Variants in DPP10 observed in about 807,000 individuals in gnomAD.
DPP10 encodes inactive dipeptidyl peptidase 10.
Under a neutral mutation model 120.9 loss-of-function variants are expected in DPP10, and 33 were observed. That is an observed-to-expected ratio of 0.27 (90% confidence interval 0.21 to 0.37). The LOEUF (loss-of-function observed/expected upper bound fraction) is 0.37. Ranked by LOEUF, DPP10 falls within the 10% of genes least tolerant of loss-of-function variation. DPP10 has a pLI of 1.00. For missense variants in DPP10, 816 were observed against 942.8 expected (o/e 0.87, Z 1.76); for synonymous variants, 337 against 326.1 (o/e 1.03, Z -0.36).
intron 1 of DPP10, among the ~76,000 whole-genome samples, chr2:114,466,916 C>T (rs1254804872): frequency 1.3e-5 from 2 of 151,814 alleles, no homozygotes; most frequent in African/African-American, 4.8e-5. Context: ...GGCATGGTGG[C>T]AGATGCCTAT....
At chr2:115,804,283 A>G (rs1685640166) in intron 19 of DPP10, among the ~76,000 whole-genome samples, 1 of 152,174 alleles carries the variant, frequency 6.6e-6, no homozygotes, top group African/African-American at 2.4e-5. Context: ...CAGCTCCAAC[A>G]GGTCCTTTAA....
At chr2:115,171,031 G>A (rs1203905928) in intron 1 of DPP10, among the ~76,000 whole-genome samples, 2 of 152,056 alleles carry the variant, frequency 1.3e-5, no homozygotes, top group East Asian at 1.9e-4. Flanking sequence ...GAGAGCCATC[G>A]TCTGTCTAAG....
intron 3 of DPP10, among the ~76,000 whole-genome samples, chr2:115,375,803 C>T (rs1400660): frequency 0.67 from 102,236 of 151,982 alleles, 34,748 homozygotes; most frequent in Admixed American, 0.75. Flanking sequence ...AGAGCAAGGG[C>T]GCAGTTTTAA....
chr2:114,692,724 T>G (rs7582534), intron 1 of DPP10, among the ~76,000 whole-genome samples: 124,026 of 151,976 alleles, frequency 0.82, 51,367 homozygotes, highest in African/African-American at 0.95. Context: ...AAGTCTCTTT[T>G]TAGGTCTCTA....
chr2:114,516,141 T>G (rs1684579892), intron 1 of DPP10, among the ~76,000 whole-genome samples: 1 of 152,206 alleles, frequency 6.6e-6, no homozygotes, highest in Non-Finnish European at 1.5e-5. Flanking sequence ...CAGATGTTAC[T>G]GGCTCAGCAA....
At chr2:114,838,895 A>T (rs918857630) in intron 1 of DPP10, among the ~76,000 whole-genome samples, 1 of 152,190 alleles carries the variant, frequency 6.6e-6, no homozygotes, top group Admixed American at 6.5e-5. Flanking sequence ...ATCTGTCTTC[A>T]TGGAGATGTA....
chr2:114,990,058 T>C (rs916323170), intron 1 of DPP10, among the ~76,000 whole-genome samples: 1 of 152,224 alleles, frequency 6.6e-6, no homozygotes, highest in African/African-American at 2.4e-5. Context: ...TACTTTTCTC[T>C]CTTTCTTTGA....
rs148439279 is a variant in DPP10, at chr2:115,576,122, G to A, written c.441+50150G>A. On this transcript the variant is annotated intron_variant, in intron 5 of 25. Transcript: ENST00000410059. ...AGATAATACATTTGTATTGTTTGAA[G>A]CTACTGACTTTGTGGTGATTTGTTA... Among the ~76,000 whole-genome samples the A allele has an allele frequency of 7.7e-4, 118 of 152,268 alleles. 1 individual carries two copies. The highest frequency in any genetic ancestry group is 2.6e-3 in the African/African-American group (106 of 41,560).
intron 1 of DPP10, among the ~76,000 whole-genome samples, chr2:115,148,277 T>C (rs1210816897): frequency 6.6e-6 from 1 of 152,180 alleles, no homozygotes; most frequent in African/African-American, 2.4e-5. Context: ...GACCACAATC[T>C]ACAATTTTCT....
At chr2:115,575,685 C>T (rs1393933829) in intron 5 of DPP10, among the ~76,000 whole-genome samples, 1 of 152,072 alleles carries the variant, frequency 6.6e-6, no homozygotes, top group Non-Finnish European at 1.5e-5. Context: ...ATGTCCACAA[C>T]CCCCAGAACT....
chr2:115,172,077 A>C (rs905376971), intron 1 of DPP10, among the ~76,000 whole-genome samples: 3 of 152,160 alleles, frequency 2.0e-5, no homozygotes, highest in African/African-American at 4.8e-5. Context: ...TGAAATTGCA[A>C]CTCCCAGCAA....
At chr2:115,087,538 C>CTTTTT (rs56685721) in intron 1 of DPP10, among the ~76,000 whole-genome samples, 21 of 99,228 alleles carry the variant, frequency 2.1e-4, no homozygotes, top group African/African-American at 5.3e-4. Flanking sequence ...CTTTTCTTTT[C>CTTTTT]TTTTTTTTTT....
intron 5 of DPP10, among the ~76,000 whole-genome samples, chr2:115,658,087 A>G (rs77908079): frequency 0.037 from 5,580 of 152,026 alleles, 142 homozygotes; most frequent in East Asian, 0.073. Flanking sequence ...ATGAACTACT[A>G]TTTTTGGGAA....
intron 3 of DPP10, among the ~76,000 whole-genome samples, chr2:115,451,432 C>T (rs543615048): frequency 1.3e-5 from 2 of 151,862 alleles, no homozygotes; most frequent in Non-Finnish European, 2.9e-5. Flanking sequence ...CCAAGTGTTG[C>T]AGACAAAAAT....
At chr2:115,024,835 G>A (rs1278773955) in intron 1 of DPP10, among the ~76,000 whole-genome samples, 1 of 147,924 alleles carries the variant, frequency 6.8e-6, no homozygotes, top group African/African-American at 2.5e-5. Flanking sequence ...GGCCATATAT[G>A]TGTGTGTGTG....
At chr2:115,549,333 G>T (rs991953836) in intron 5 of DPP10, among the ~76,000 whole-genome samples, 2 of 152,092 alleles carry the variant, frequency 1.3e-5, no homozygotes, top group East Asian at 3.9e-4. Context: ...TCTTCTCCCA[G>T]TCCAACACCC....
At chr2:115,807,258 A>T (rs1325424499) in intron 19 of DPP10, among the ~76,000 whole-genome samples, 1 of 152,164 alleles carries the variant, frequency 6.6e-6, no homozygotes, top group African/African-American at 2.4e-5. Context: ...TATTTTATTG[A>T]ACAATTTCTG....
At chr2:115,697,938 G>A (rs1283120031) in intron 7 of DPP10, among the ~76,000 whole-genome samples, 2 of 152,114 alleles carry the variant, frequency 1.3e-5, no homozygotes, top group Non-Finnish European at 2.9e-5. Context: ...GCCGAGATGT[G>A]CCACTGCACT....
chr2:114,448,608 G>A (rs942317389), intron 1 of DPP10, among the ~76,000 whole-genome samples: 1 of 152,090 alleles, frequency 6.6e-6, no homozygotes, highest in African/African-American at 2.4e-5. Flanking sequence ...ATCTTTGGTG[G>A]GTGATTCTGA....
Sources: allele counts gnomAD v4.1 joint callset (sites outside exome capture counted in the v4.1 genomes callset), GRCh38; gene constraint gnomAD v4.1.1; transcripts MANE v1.5; gene names NCBI Gene and HGNC (gene_info 2026-07-23, HGNC 2026-07-21).